Variants in CR1L observed in about 807,000 individuals in gnomAD.
CR1L encodes complement C3b/C4b receptor 1 like, also known as complement component receptor 1-like protein.
Under a neutral mutation model 62.3 loss-of-function variants are expected in CR1L, and 59 were observed. The observed-to-expected ratio is 0.95, with a 90% CI of 0.77 to 1.18. CR1L has a LOEUF of 1.18. Ranked by LOEUF, CR1L falls within the 50% of genes most tolerant of loss-of-function variation. The pLI is 0.00. For missense variants in CR1L, 700 were observed against 702.8 expected (o/e 1.00, Z 0.04); for synonymous variants, 279 against 248.7 (o/e 1.12, Z -1.15).
At chr1:207,657,593 A>T (rs574105930) in intron 1 of CR1L, among the ~76,000 whole-genome samples, 1 of 152,304 alleles carries the variant, frequency 6.6e-6, no homozygotes, top group South Asian at 2.1e-4. Flanking sequence ...AGACCAAAAA[A>T]AATAATAAAT....
At chr1:207,663,238 C>A (rs1452902302) in intron 1 of CR1L, among the ~76,000 whole-genome samples, 1 of 152,236 alleles carries the variant, frequency 6.6e-6, no homozygotes, top group African/African-American at 2.4e-5. Context: ...GCCCTGCCCC[C>A]AGAGGTGGAG....
At chr1:207,713,886 G>A (rs1438793619) in intron 10 of CR1L, among the ~76,000 whole-genome samples, 1 of 152,046 alleles carries the variant, frequency 6.6e-6, no homozygotes, top group African/African-American at 2.4e-5. Context: ...GCATCTCCAA[G>A]GCTGACTTGG....
intron 4 of CR1L, among the ~76,000 whole-genome samples, chr1:207,689,802 A>G (rs1663969037): frequency 6.6e-6 from 1 of 152,166 alleles, no homozygotes; most frequent in Non-Finnish European, 1.5e-5. Flanking sequence ...ATAGCTATAA[A>G]AGTATTATTT....
chr1:207,706,376 G>A (rs1432285466), intron 9 of CR1L, among the ~76,000 whole-genome samples: 1 of 151,782 alleles, frequency 6.6e-6, no homozygotes, highest in Non-Finnish European at 1.5e-5. Context: ...AGCCGTGATG[G>A]CACCCCTGCA....
At chr1:207,648,225 A>G (rs1437870850) in intron 1 of CR1L, among the ~76,000 whole-genome samples, 1 of 91,114 alleles carries the variant, frequency 1.1e-5, no homozygotes, top group Non-Finnish European at 2.4e-5. Flanking sequence ...ACACACACAG[A>G]AAAAAAAAAA....
At chr1:207,690,760 G>C (rs1663983448) in intron 4 of CR1L, among the ~76,000 whole-genome samples, 1 of 152,214 alleles carries the variant, frequency 6.6e-6, no homozygotes, top group East Asian at 1.9e-4. Flanking sequence ...CCTCTCTTCA[G>C]GCTTCCTTCC....
At chr1:207,647,113 T>G (rs1241656543) in intron 1 of CR1L, among the ~76,000 whole-genome samples, 1 of 152,238 alleles carries the variant, frequency 6.6e-6, no homozygotes, top group Non-Finnish European at 1.5e-5. Flanking sequence ...AATCAACAGA[T>G]GTTTGCTAAA....
intron 4 of CR1L, among the ~76,000 whole-genome samples, chr1:207,692,506 G>A (rs1664012625): frequency 6.6e-6 from 1 of 152,118 alleles, no homozygotes; most frequent in Non-Finnish European, 1.5e-5. Flanking sequence ...AAACCTACTT[G>A]ACTAGCGTCC....
chr1:207,706,086 A>G (rs1664263681), intron 9 of CR1L, among the ~76,000 whole-genome samples: 1 of 150,330 alleles, frequency 6.7e-6, no homozygotes, highest in African/African-American at 2.4e-5. Flanking sequence ...AAGAGTAAGA[A>G]GAGTTAACCA....
chr1:207,697,499 C>T lies in CR1L; in HGVS notation c.863-4C>T. The T allele has an allele frequency of 6.2e-7, 1 of 1,613,766 alleles. No homozygotes were observed. Among genetic ancestry groups the T allele is most frequent in the Non-Finnish European group, 8.5e-7 (1 of 1,179,714 alleles). On this transcript the variant is annotated splice_polypyrimidine_tract_variant and splice_region_variant and intron_variant, in intron 5 of 11. Transcript: ENST00000508064. ...TTAGCAGTACTTTGTTTCTCTCTCCCCAGTATGTCAGCCACCTCCAGATGT... is the reference window on the plus strand; with the variant it reads ...TTAGCAGTACTTTGTTTCTCTCTCCTCAGTATGTCAGCCACCTCCAGATGT...
chr1:207,661,096 T>C (rs1434256805), intron 1 of CR1L, among the ~76,000 whole-genome samples: 1 of 152,208 alleles, frequency 6.6e-6, no homozygotes, highest in African/African-American at 2.4e-5. Context: ...AAGTGTGGTG[T>C]GGTGCTGAAA....
At chr1:207,691,008 G>C (rs888877620) in intron 4 of CR1L, among the ~76,000 whole-genome samples, 5 of 152,222 alleles carry the variant, frequency 3.3e-5, no homozygotes, top group Admixed American at 3.3e-4. Flanking sequence ...ACAGGTTTCA[G>C]AGATTAGGTT....
At chr1:207,684,179 G>A (rs778148417) in intron 4 of CR1L, 6 of 372,682 alleles carry the variant, frequency 1.6e-5, no homozygotes, top group East Asian at 8.9e-5. Flanking sequence ...GCCTAAATAC[G>A]TAAAAGGCTT....
chr1:207,659,439 C>G (rs552541083), intron 1 of CR1L, among the ~76,000 whole-genome samples: 21 of 152,356 alleles, frequency 1.4e-4, no homozygotes, highest in Non-Finnish European at 2.6e-4. Context: ...GCCATAGCTG[C>G]AGCAATCTTG....
intron 3 of CR1L, among the ~76,000 whole-genome samples, chr1:207,681,212 C>T (rs1663790097): frequency 6.6e-6 from 1 of 152,142 alleles, no homozygotes; most frequent in South Asian, 2.1e-4. Context: ...CCTCTTCGGG[C>T]CCTGGGGAGG....
intron 4 of CR1L, among the ~76,000 whole-genome samples, chr1:207,691,959 G>C (rs1479574354): frequency 6.6e-6 from 1 of 152,126 alleles, no homozygotes; most frequent in Non-Finnish European, 1.5e-5. Flanking sequence ...GAGGATTTAC[G>C]GACAGAAAAA....
chr1:207,661,857 T>G (rs1006396323), intron 1 of CR1L, among the ~76,000 whole-genome samples: 12 of 152,236 alleles, frequency 7.9e-5, no homozygotes, highest in African/African-American at 2.9e-4. Flanking sequence ...ACAAAATCTC[T>G]CAGCATTTGC....
intron 1 of CR1L, among the ~76,000 whole-genome samples, chr1:207,667,431 G>A (rs10863461): frequency 0.41 from 61,842 of 151,900 alleles, 12,868 homozygotes; most frequent in African/African-American, 0.48. Context: ...TTTCATCATT[G>A]CCTTCTGGTC....
In CR1L at chr1:207,670,507, G is replaced by T. The variant is rs141586261; in HGVS notation, c.98-6882G>T. 7.3e-5 allele frequency among the ~76,000 whole-genome samples: 11 copies of T among 150,996 alleles called. 1 individual carries two copies. The highest frequency in any genetic ancestry group is 1.7e-4 in the African/African-American group (7 of 40,344). On this transcript the variant is annotated intron_variant, in intron 1 of 11. Transcript: ENST00000508064. ...ATTATTAGTTTTGGGCTCCCCAGAAGTCTTCTTGGTTGCCTAGACTCACTG... is the reference window on the plus strand; with the variant it reads ...ATTATTAGTTTTGGGCTCCCCAGAATTCTTCTTGGTTGCCTAGACTCACTG...
Sources: allele counts gnomAD v4.1 joint callset (sites outside exome capture counted in the v4.1 genomes callset), GRCh38; gene constraint gnomAD v4.1.1; transcripts MANE v1.5; gene names NCBI Gene and HGNC (gene_info 2026-07-23, HGNC 2026-07-21).